Variants in CAMK4 observed in about 807,000 individuals in gnomAD.
The protein encoded by CAMK4 is calcium/calmodulin dependent protein kinase IV.
A neutral mutation model predicts 44.9 loss-of-function variants in CAMK4; 22 were observed. The ratio of observed to expected loss-of-function variants is 0.49; its 90% CI spans 0.35 to 0.70. The LOEUF is 0.70. CAMK4 is among the 30% of genes least tolerant of loss of function. CAMK4 has a pLI of 0.01. For synonymous variants in CAMK4, 218 were observed against 215.4 expected (o/e 1.01, Z -0.11); for missense variants, 498 against 586.8 (o/e 0.85, Z 1.56).
chr5:111,313,549 C>T (rs1748298686), intron 1 of CAMK4, among the ~76,000 whole-genome samples: 1 of 152,012 alleles, frequency 6.6e-6, no homozygotes, highest in Non-Finnish European at 1.5e-5. Context: ...ATTCAACCTT[C>T]CCTCCCTGCT....
At chr5:111,247,055 G>A (rs1010163002) in intron 1 of CAMK4, among the ~76,000 whole-genome samples, 1 of 151,906 alleles carries the variant, frequency 6.6e-6, no homozygotes, top group African/African-American at 2.4e-5. Context: ...AGTTCCTCGG[G>A]ATGTTTTATC....
rs565179062 is a variant in CAMK4, at chr5:111,243,588, C to G, written c.161+18944C>G. Among the ~76,000 whole-genome samples, 3 of 152,344 alleles carry G rather than the reference C, an allele frequency of 2.0e-5. No individual in the cohort carries two copies. In the East Asian group the frequency reaches 5.8e-4, roughly 29 times the overall value. On this transcript the variant is annotated intron_variant, in intron 1 of 10. Transcript: ENST00000282356. ...TTCTATCATGACTGAGTTAACCTAA[C>G]TGGAAATTTTACTAGCCCTATCATG...
intron 1 of CAMK4, among the ~76,000 whole-genome samples, chr5:111,228,112 C>T (rs1347797878): frequency 6.6e-6 from 1 of 152,158 alleles, no homozygotes; most frequent in Non-Finnish European, 1.5e-5. Context: ...TCAGTTGTCT[C>T]ACCTTTAGTT....
chr5:111,245,864 TA>T (rs1749211588), intron 1 of CAMK4, among the ~76,000 whole-genome samples: 1 of 152,188 alleles, frequency 6.6e-6, no homozygotes, highest in South Asian at 2.1e-4. Flanking sequence ...GCCACAGGAG[TA>T]AATGGTTCTC....
chr5:111,296,986 T>G (rs1443859200), intron 1 of CAMK4, among the ~76,000 whole-genome samples: 18 of 152,228 alleles, frequency 1.2e-4, no homozygotes. Context: ...GTGAAAACTT[T>G]AATGGGCCTT....
At chr5:111,324,252 T>C (rs1423839845) in intron 1 of CAMK4, among the ~76,000 whole-genome samples, 1 of 151,832 alleles carries the variant, frequency 6.6e-6, no homozygotes, top group Non-Finnish European at 1.5e-5. Context: ...AATACTCCAA[T>C]TCAAAGGCAG....
In CAMK4 at chr5:111,468,748, G is replaced by A. The variant is rs926278976; in HGVS notation, c.626-4563G>A. Among the ~76,000 whole-genome samples, 45 of 152,236 alleles carry A rather than the reference G, an allele frequency of 3.0e-4. 1 individual carries two copies. Among genetic ancestry groups the A allele is most frequent in the African/African-American group, 1.1e-3 (44 of 41,542 alleles). On this transcript the variant is annotated intron_variant, in intron 7 of 10. Coordinates refer to ENST00000282356, the MANE Select transcript of CAMK4 (RefSeq NM_001744.6). ...TAATTCCAGCACTTTGGGAGGCCGA[G>A]GCGGGTGGATCACAACGTCAGGAGT...
chr5:111,285,724 G>T (rs1337223429), intron 1 of CAMK4, among the ~76,000 whole-genome samples: 1 of 152,148 alleles, frequency 6.6e-6, no homozygotes, highest in Non-Finnish European at 1.5e-5. Context: ...ATGGTGAGTT[G>T]CTTATGTTCC....
At chr5:111,396,870 A>G (rs1384334602) in intron 5 of CAMK4, among the ~76,000 whole-genome samples, 5 of 151,750 alleles carry the variant, frequency 3.3e-5, no homozygotes, top group Non-Finnish European at 7.4e-5. Flanking sequence ...CGAACTCCTG[A>G]CCTCAGGAAA....
At chr5:111,429,650 C>A (rs917411332) in intron 5 of CAMK4, among the ~76,000 whole-genome samples, 6 of 151,394 alleles carry the variant, frequency 4.0e-5, no homozygotes, top group Admixed American at 1.3e-4. Context: ...GTGGTGTGCA[C>A]TTATAGTCCC....
In CAMK4 at chr5:111,484,549, T is replaced by A. The variant is rs898807648; in HGVS notation, c.*83T>A. On this transcript the variant is annotated 3_prime_UTR_variant, in exon 11 of 11. Transcript: ENST00000282356. This position sits in a 1 kb window ranked among gnomAD's most constrained non-coding sequence, Gnocchi z 5.3. ...GCAAGAAAGGTGTGGAAGCATGATA[T>A]GTACTATAGTGATTCTGTTTTTGAG... is the stretch of plus-strand genomic sequence containing the variant. The A allele has an allele frequency of 2.8e-5, 24 of 856,986 alleles. No individual in the cohort carries two copies. Among genetic ancestry groups the A allele is most frequent in the Non-Finnish European group, 3.9e-5 (23 of 596,960 alleles). The allele number at this position is 856,986 out of a possible 1,614,324, so 53.1% of individuals were successfully genotyped here. A position where few individuals can be genotyped will look rare whatever the true frequency, so the allele number is the denominator to read the frequency against.
chr5:111,334,906 G>T (rs1273607915), intron 1 of CAMK4, among the ~76,000 whole-genome samples: 1 of 151,250 alleles, frequency 6.6e-6, no homozygotes, highest in Non-Finnish European at 1.5e-5. Flanking sequence ...ATTAGAAAAA[G>T]ATAACAAGAT....
intron 1 of CAMK4, among the ~76,000 whole-genome samples, chr5:111,313,318 G>T (rs576429416): frequency 6.6e-6 from 1 of 152,242 alleles, no homozygotes; most frequent in Non-Finnish European, 1.5e-5. Flanking sequence ...TTGTGTGGGA[G>T]TCTCTTCAGT....
chr5:111,273,306 T>G (rs762427329), intron 1 of CAMK4, among the ~76,000 whole-genome samples: 9 of 152,038 alleles, frequency 5.9e-5, no homozygotes, highest in Non-Finnish European at 1.3e-4. Flanking sequence ...TAAATATATA[T>G]AAGCACATAC....
chr5:111,353,618 G>A (rs1750205154), intron 2 of CAMK4, among the ~76,000 whole-genome samples: 1 of 151,982 alleles, frequency 6.6e-6, no homozygotes, highest in Non-Finnish European at 1.5e-5. Flanking sequence ...CTCCACAAAA[G>A]AACTACATAA....
intron 1 of CAMK4, among the ~76,000 whole-genome samples, chr5:111,249,638 A>AAATGTGTGTGTGTGTGTGTG: frequency 8.5e-6 from 1 of 118,266 alleles, no homozygotes; most frequent in South Asian, 3.0e-4. Context: ...GTATATATAT[A>AAATGTGTGTGTGTGTGTGTG]TATATATGTG....
At chr5:111,419,769 T>C (rs1328477108) in intron 5 of CAMK4, among the ~76,000 whole-genome samples, 2 of 152,172 alleles carry the variant, frequency 1.3e-5, no homozygotes, top group Non-Finnish European at 2.9e-5. Context: ...TGCGGCATTA[T>C]TTCTGAGGGC....
chr5:111,325,911 C>G (rs1335199144), intron 1 of CAMK4, among the ~76,000 whole-genome samples: 1 of 151,962 alleles, frequency 6.6e-6, no homozygotes, highest in Non-Finnish European at 1.5e-5. Flanking sequence ...ATATTTTCAA[C>G]TAAATGATAA....
At chr5:111,247,105 CATAT>C (rs978612236) in intron 1 of CAMK4, among the ~76,000 whole-genome samples, 1 of 151,622 alleles carries the variant, frequency 6.6e-6, no homozygotes, top group African/African-American at 2.4e-5. Flanking sequence ...CAATAAAATA[CATAT>C]ATATATTATG....
Sources: gnomAD v4.1 joint callset for allele counts (sites outside exome capture counted in the v4.1 genomes callset) on GRCh38, gnomAD v4.1.1 for gene constraint, Gnocchi (gnomAD v3.1) non-coding constraint, MANE v1.5 for transcripts, NCBI Gene and HGNC (gene_info 2026-07-23, HGNC 2026-07-21) for gene names.